The following GPR158 variants were observed in gnomAD, a reference collection of about 807,000 sequenced individuals.
GPR158 encodes the protein metabotropic glycine receptor.
In GPR158, 30 loss-of-function variants were observed where a neutral mutation model predicts 78.2. That is an observed-to-expected ratio of 0.38 (90% confidence interval 0.29 to 0.52). The LOEUF (loss-of-function observed/expected upper bound fraction) is 0.52. Ranked by LOEUF, GPR158 falls within the 20% of genes least tolerant of loss-of-function variation. The probability of loss-of-function intolerance (pLI) is 0.83; values close to 1 mark genes in which losing one functional copy is unlikely to be tolerated. For synonymous variants in GPR158, 581 were observed against 591.1 expected (o/e 0.98, Z 0.25); for missense variants, 1,463 against 1,523.5 (o/e 0.96, Z 0.66).
chr10:25,177,378 T>C (rs1852553103), intron 1 of GPR158, among the ~76,000 whole-genome samples: 1 of 152,154 alleles, frequency 6.6e-6, no homozygotes, highest in Non-Finnish European at 1.5e-5. Context: ...CTTAGTCCCA[T>C]GAGGGAAGGC....
At chr10:25,488,903 C>T (rs558372709) in intron 5 of GPR158, among the ~76,000 whole-genome samples, 1 of 151,706 alleles carries the variant, frequency 6.6e-6, no homozygotes, top group African/African-American at 2.4e-5. Flanking sequence ...ATAGTGTAGG[C>T]ACACTAAGTA....
intron 4 of GPR158, among the ~76,000 whole-genome samples, chr10:25,444,070 A>C (rs1835105590): frequency 6.6e-6 from 1 of 150,636 alleles, no homozygotes; most frequent in Non-Finnish European, 1.5e-5. Context: ...CACTAGTTGC[A>C]AGTTGTGACA....
intron 2 of GPR158, among the ~76,000 whole-genome samples, chr10:25,311,594 A>G (rs1215158488): frequency 6.6e-6 from 1 of 151,950 alleles, no homozygotes; most frequent in Non-Finnish European, 1.5e-5. Flanking sequence ...GAAATTGCGA[A>G]TTGAGATAGT....
chr10:25,425,009 C>T (rs4514310), intron 4 of GPR158, among the ~76,000 whole-genome samples: 125,411 of 152,146 alleles, frequency 0.82, 52,785 homozygotes, highest in African/African-American at 0.89. Context: ...ATTCTTCCTA[C>T]CCATGAGCAT....
chr10:25,421,025 C>A (rs77254652), intron 4 of GPR158, among the ~76,000 whole-genome samples: 3,412 of 152,236 alleles, frequency 0.022, 56 homozygotes, highest in Non-Finnish European at 0.033. Context: ...ATCAAGTTTG[C>A]ATTTAATCTG....
chr10:25,557,391 A>C (rs1286480727), intron 6 of GPR158, among the ~76,000 whole-genome samples: 2 of 152,176 alleles, frequency 1.3e-5, no homozygotes, highest in Admixed American at 1.3e-4. Flanking sequence ...AATCTTGCAC[A>C]CAGCTTATCA....
intron 7 of GPR158, among the ~76,000 whole-genome samples, chr10:25,575,812 A>G (rs946353001): frequency 6.6e-6 from 1 of 151,856 alleles, no homozygotes; most frequent in African/African-American, 2.4e-5. Context: ...AATAAACAGG[A>G]GCCATAACGT....
At chr10:25,423,468 A>G (rs10764546) in intron 4 of GPR158, among the ~76,000 whole-genome samples, 105,735 of 151,116 alleles carry the variant, frequency 0.7, 38,003 homozygotes, top group Non-Finnish European at 0.8. Context: ...TACATGTGCC[A>G]TGTTGGATTG....
At chr10:25,389,546 CTTG>C (rs1462590166) in intron 2 of GPR158, among the ~76,000 whole-genome samples, 3 of 152,182 alleles carry the variant, frequency 2.0e-5, no homozygotes, top group Non-Finnish European at 4.4e-5. Context: ...TCCTCTTTAT[CTTG>C]TTGACCCTCC....
At chr10:25,241,275 T>TC (rs1564399521) in intron 2 of GPR158, among the ~76,000 whole-genome samples, 5 of 91,770 alleles carry the variant, frequency 5.4e-5, no homozygotes, top group African/African-American at 2.3e-4. Context: ...TTCTTTCCTT[T>TC]CTTTCTTTCT....
intron 2 of GPR158, among the ~76,000 whole-genome samples, chr10:25,290,561 G>A (rs1478446648): frequency 1.3e-5 from 2 of 152,108 alleles, no homozygotes; most frequent in Non-Finnish European, 1.5e-5. Flanking sequence ...AGTAGAAAAT[G>A]TCTGAGGAAG....
At chr10:25,439,575 A>G (rs563550101) in intron 4 of GPR158, among the ~76,000 whole-genome samples, 45 of 152,200 alleles carry the variant, frequency 3.0e-4, no homozygotes, top group Non-Finnish European at 1.6e-4. Context: ...CTGGTGTTAT[A>G]TAGTGTATGT....
intron 2 of GPR158, among the ~76,000 whole-genome samples, chr10:25,372,847 T>TAAAG (rs1256929361): frequency 9.4e-5 from 2 of 21,366 alleles, no homozygotes; most frequent in African/African-American, 2.0e-4. Context: ...ACCCTAAAAC[T>TAAAG]TTAATAATAA....
intron 2 of GPR158, among the ~76,000 whole-genome samples, chr10:25,364,870 A>C (rs532008551): frequency 4.0e-4 from 61 of 151,916 alleles, no homozygotes; most frequent in African/African-American, 1.4e-3. Context: ...GTAGCAGACA[A>C]GGCAAAGCAT....
At chr10:25,532,978 T>G (rs1836446715) in intron 5 of GPR158, among the ~76,000 whole-genome samples, 1 of 133,934 alleles carries the variant, frequency 7.5e-6, no homozygotes. Context: ...TCAGATCCGC[T>G]TAATTCCCTT....
chr10:25,315,287 G>T (rs182516980), intron 2 of GPR158, among the ~76,000 whole-genome samples: 1 of 152,080 alleles, frequency 6.6e-6, no homozygotes, highest in East Asian at 1.9e-4. Flanking sequence ...AAAGGTGGTT[G>T]CTGTGTTAAT....
At chr10:25,547,880 G>T (rs1390595622) in intron 5 of GPR158, among the ~76,000 whole-genome samples, 1 of 152,190 alleles carries the variant, frequency 6.6e-6, no homozygotes, top group East Asian at 1.9e-4. Flanking sequence ...TTAATTTAGT[G>T]TCTAGCATAT....
chr10:25,200,700 T>C (rs113623292), intron 1 of GPR158, among the ~76,000 whole-genome samples: 229 of 152,204 alleles, frequency 1.5e-3, no homozygotes, highest in African/African-American at 5.2e-3. Flanking sequence ...TGTCCAGTGT[T>C]AAAAATCTTC....
intron 2 of GPR158, among the ~76,000 whole-genome samples, chr10:25,249,440 C>T (rs1853756805): frequency 6.6e-6 from 1 of 152,000 alleles, no homozygotes; most frequent in African/African-American, 2.4e-5. Flanking sequence ...ATGATATAGG[C>T]TGTGGGTTTG....
Sources: gnomAD v4.1 joint callset for allele counts (sites outside exome capture counted in the v4.1 genomes callset) on GRCh38, gnomAD v4.1.1 for gene constraint, MANE v1.5 for transcripts, NCBI Gene and HGNC (gene_info 2026-07-23, HGNC 2026-07-21) for gene names.